The following CLASP2 variants were observed in gnomAD, a reference collection of about 807,000 sequenced individuals.
The protein encoded by CLASP2 is cytoplasmic linker associated protein 2, also known as CLIP-associating protein 2.
CLASP2 carries 47 observed loss-of-function variants against 194.4 expected under a neutral mutation model. The observed-to-expected ratio is 0.24, with a 90% confidence interval of 0.19 to 0.31. The LOEUF is 0.31. CLASP2 is among the 10% of genes least tolerant of loss of function. The pLI is 1.00. For missense variants in CLASP2, 1,445 were observed against 1,823.6 expected, an observed-to-expected ratio of 0.79 and a Z score of 3.78; for synonymous variants, 619 against 633.5, an observed-to-expected ratio of 0.98 and a Z score of 0.34.
chr3:33,580,547 AGT>A (rs2065829317), intron 23 of CLASP2, among the ~76,000 whole-genome samples: 1 of 152,018 alleles, frequency 6.6e-6, no homozygotes, highest in African/African-American at 2.4e-5. Flanking sequence ...TGGGCAACAG[AGT>A]GAGACTCCAC....
intron 25 of CLASP2, among the ~76,000 whole-genome samples, chr3:33,572,287 T>C (rs1191343589): frequency 1.3e-5 from 2 of 152,310 alleles, no homozygotes; most frequent in East Asian, 1.9e-4. Flanking sequence ...GGGAACAATA[T>C]TATGATGGTG....
chr3:33,677,393 T>A (rs1398511634), intron 6 of CLASP2, among the ~76,000 whole-genome samples: 1 of 151,768 alleles, frequency 6.6e-6, no homozygotes, highest in Non-Finnish European at 1.5e-5. Context: ...GATGAGTTCA[T>A]GTCCTTTGTA....
chr3:33,649,177 C>G (rs1227875992), intron 7 of CLASP2, among the ~76,000 whole-genome samples: 1 of 152,166 alleles, frequency 6.6e-6, no homozygotes, highest in African/African-American at 2.4e-5. Flanking sequence ...GTTCACTCAC[C>G]ATCTTCATGT....
intron 6 of CLASP2, among the ~76,000 whole-genome samples, chr3:33,676,703 G>C (rs1246609208): frequency 6.6e-6 from 1 of 152,192 alleles, no homozygotes; most frequent in Non-Finnish European, 1.5e-5. Flanking sequence ...ATTGACAAAT[G>C]GGATCTAATT....
intron 10 of CLASP2, 137 bp downstream of exon 10, chr3:33,626,851 C>G: frequency 1.7e-6 from 1 of 588,676 alleles, no homozygotes. Context: ...TCAATATATT[C>G]TCCAGAAAGA....
At chr3:33,549,568 TG>T (rs2059667497) in intron 30 of CLASP2, among the ~76,000 whole-genome samples, 1 of 152,198 alleles carries the variant, frequency 6.6e-6, no homozygotes, top group East Asian at 1.9e-4. Context: ...CATTCTATTG[TG>T]GTCAGAGAAC....
At chr3:33,607,225 T>TAC (rs2074066680) in intron 15 of CLASP2, among the ~76,000 whole-genome samples, 159 bp downstream of exon 15, 1 of 152,230 alleles carries the variant, frequency 6.6e-6, no homozygotes, top group South Asian at 2.1e-4. Context: ...AGGAGGCTGT[T>TAC]AGATGTCTAA....
At chr3:33,585,328 A>T (rs2154217601) in intron 21 of CLASP2, among the ~76,000 whole-genome samples, 1 of 152,336 alleles carries the variant, frequency 6.6e-6, no homozygotes, top group East Asian at 1.9e-4. Context: ...AATGGGATAC[A>T]TTCTGAGAAA....
In CLASP2 at chr3:33,690,862, T is replaced by C. The variant is rs139392510; in HGVS notation, c.275-930A>G. ...TCAGATCAAAAACACATCGCATGTATAGCAGCAGTCCCCAGTCTTCTTGGC... is the reference window on the plus strand; with the variant it reads ...TCAGATCAAAAACACATCGCATGTACAGCAGCAGTCCCCAGTCTTCTTGGC... On this transcript the variant is annotated intron_variant, in intron 2 of 38. Transcript: ENST00000682230. 5.3e-3 allele frequency among the ~76,000 whole-genome samples: 812 copies of C among 152,282 alleles called. 10 individuals are homozygous for C. Among genetic ancestry groups the C allele is most frequent in the African/African-American group, 0.017 (703 of 41,566 alleles).
At chr3:33,542,796 G>T (rs1397890461) in intron 32 of CLASP2, among the ~76,000 whole-genome samples, 2 of 151,802 alleles carry the variant, frequency 1.3e-5, no homozygotes, top group Admixed American at 6.6e-5. Context: ...CACTTATACT[G>T]AGTAGTATAA....
intron 30 of CLASP2, among the ~76,000 whole-genome samples, chr3:33,549,821 C>T (rs529494650): frequency 5.9e-5 from 9 of 151,616 alleles, no homozygotes; most frequent in Admixed American, 3.9e-4. Flanking sequence ...TCATTGCATC[C>T]TCGACCTCCT....
chr3:33,673,587 T>C (rs1462391880), intron 6 of CLASP2, among the ~76,000 whole-genome samples: 2 of 151,952 alleles, frequency 1.3e-5, no homozygotes, highest in African/African-American at 2.4e-5. Context: ...AATTCACACA[T>C]AACAATATTA....
chr3:33,540,249 T>TC (rs2058122193), intron 32 of CLASP2, among the ~76,000 whole-genome samples: 1 of 150,436 alleles, frequency 6.6e-6, no homozygotes, highest in Non-Finnish European at 1.5e-5. Flanking sequence ...TTTTTTTTTT[T>TC]TTTTTAAGGG....
rs1386560511 is a variant in CLASP2, at chr3:33,560,986, G to C, written c.2767-15C>G. The C allele has an allele frequency of 1.9e-6, 3 of 1,610,456 alleles. No individual in the cohort carries two copies. Among genetic ancestry groups the C allele is most frequent in the African/African-American group, 1.3e-5 (1 of 74,742 alleles). On this transcript the variant is annotated splice_polypyrimidine_tract_variant and intron_variant, in intron 27 of 38. Transcript: ENST00000682230. Reference sequence around the variant, plus strand: ...ATGCTGAATACCTACAGTTGATAAAGGGGAGAGGTAGGGAGAAAAAAAGAG... The same window carrying C: ...ATGCTGAATACCTACAGTTGATAAACGGGAGAGGTAGGGAGAAAAAAAGAG...
chr3:33,558,599 A>C (rs2061336531), intron 29 of CLASP2: 1 of 152,108 alleles, frequency 6.6e-6, no homozygotes, highest in South Asian at 2.1e-4. Context: ...TTAAATCACA[A>C]ATTGGAATCC....
intron 38 of CLASP2, among the ~76,000 whole-genome samples, chr3:33,501,179 A>C (rs139847926): frequency 1.5e-4 from 23 of 152,346 alleles, no homozygotes; most frequent in Admixed American, 1.2e-3. Flanking sequence ...GTTGCACATT[A>C]ATTTGGATAA....
chr3:33,639,677 A>G (rs2080926231), intron 8 of CLASP2, among the ~76,000 whole-genome samples: 2 of 152,202 alleles, frequency 1.3e-5, no homozygotes, highest in South Asian at 2.1e-4. Flanking sequence ...TACTCAAATC[A>G]TACGTACTGT....
chr3:33,628,694 G>A (rs1001167886), intron 9 of CLASP2, among the ~76,000 whole-genome samples: 1 of 151,974 alleles, frequency 6.6e-6, no homozygotes, highest in African/African-American at 2.4e-5. Flanking sequence ...AAATCATTTC[G>A]GAACTCAGGA....
In CLASP2 at chr3:33,716,236, A is replaced by G. The variant is rs1285656677; in HGVS notation, c.195+1572T>C. Among the ~76,000 whole-genome samples the G allele has an allele frequency of 3.3e-5, 5 of 152,164 alleles. No individual in the cohort carries two copies. In the East Asian group the frequency reaches 9.6e-4, roughly 29 times the overall value. ...GAAATTGTCTTGGGCTACATTATCT[A>G]GTGAGGAGCATGGAGAAAATACGTA... On this transcript the variant is annotated intron_variant, in intron 1 of 38. Transcript: ENST00000682230.
Sources: gnomAD v4.1 joint callset for allele counts (sites outside exome capture counted in the v4.1 genomes callset) on GRCh38, gnomAD v4.1.1 for gene constraint, MANE v1.5 for transcripts, NCBI Gene and HGNC (gene_info 2026-07-23, HGNC 2026-07-21) for gene names.